WDR47: variants seen among roughly 807,000 people sequenced by gnomAD.
WDR47 encodes the protein WD repeat-containing protein 47.
WDR47 carries 32 observed loss-of-function variants against 97.2 expected under a neutral mutation model. That is an observed-to-expected ratio of 0.33 (90% CI 0.25 to 0.44). WDR47 has a LOEUF of 0.44. Ranked by LOEUF, WDR47 falls within the 20% of genes least tolerant of loss-of-function variation. The pLI is 1.00. For synonymous variants in WDR47, 375 were observed against 373.5 expected (o/e 1.00, Z -0.05); for missense variants, 782 against 1,102.3 (o/e 0.71, Z 4.11).
At chr1:108,986,737 ATCT>A in intron 9 of WDR47, 57 bp from the exon 10 acceptor site, 1 of 1,369,780 alleles carries the variant, frequency 7.3e-7, no homozygotes. Context: ...GAAAGAATTC[ATCT>A]TTCTCCCATT....
chr1:109,041,680 A>G (rs1663375565), intron 1 of WDR47, 182 bp downstream of exon 1: 1 of 150,882 alleles, frequency 6.6e-6, no homozygotes, highest in Non-Finnish European at 1.5e-5. Flanking sequence ...CTCACCCACG[A>G]CCCCAGCCCC....
At chr1:108,983,518 T>C (rs778299277) in intron 10 of WDR47, 67 bp from the exon 11 acceptor site, 17 of 1,303,592 alleles carry the variant, frequency 1.3e-5, no homozygotes, top group South Asian at 2.3e-5. Flanking sequence ...TGAGGTTCCA[T>C]ATTATACTTG....
chr1:108,978,230 C>T (rs904046380), intron 13 of WDR47, among the ~76,000 whole-genome samples: 13 of 150,306 alleles, frequency 8.6e-5, no homozygotes, highest in African/African-American at 3.2e-4. Flanking sequence ...AATCCCAGCA[C>T]TCTGGAAGGC....
intron 6 of WDR47, among the ~76,000 whole-genome samples, chr1:109,004,230 A>G (rs1427643879): frequency 6.6e-6 from 1 of 151,186 alleles, no homozygotes; most frequent in Non-Finnish European, 1.5e-5. Flanking sequence ...GCACCACTGC[A>G]CTCCAGCCTG....
At chr1:108,985,884 A>G (rs1658751318) in intron 10 of WDR47, among the ~76,000 whole-genome samples, 3 of 151,922 alleles carry the variant, frequency 2.0e-5, no homozygotes, top group African/African-American at 7.3e-5. Context: ...AATACTATCA[A>G]TTAACATGGA....
At chr1:108,971,942 T>C (rs1449461640) in intron 14 of WDR47, among the ~76,000 whole-genome samples, 1 of 152,134 alleles carries the variant, frequency 6.6e-6, no homozygotes, top group Non-Finnish European at 1.5e-5. Context: ...TGTACCTAAC[T>C]TCCTAAAAAA....
intron 10 of WDR47, 109 bp downstream of exon 10, chr1:108,986,414 A>C: frequency 1.0e-6 from 1 of 992,382 alleles, no homozygotes; most frequent in Non-Finnish European, 1.4e-6. Context: ...TAATCGAAGG[A>C]AAGAAAGTAA....
chr1:109,026,973 T>A (rs547553738), intron 1 of WDR47, among the ~76,000 whole-genome samples: 14 of 151,540 alleles, frequency 9.2e-5, no homozygotes, highest in Admixed American at 5.9e-4. Context: ...GTTTTCTTTT[T>A]AAAAAAAAAC....
At chr1:108,976,972 G>C (rs148628014) in intron 13 of WDR47, among the ~76,000 whole-genome samples, 1 of 152,280 alleles carries the variant, frequency 6.6e-6, no homozygotes, top group African/African-American at 2.4e-5. Context: ...CTGAAGGTGT[G>C]AGGTGACCAG....
intron 2 of WDR47, 103 bp from the exon 3 acceptor site, chr1:109,017,704 C>A (rs1444613143): frequency 1.6e-5 from 14 of 854,512 alleles, no homozygotes; most frequent in Non-Finnish European, 2.4e-5. Context: ...ATAAAGCACA[C>A]AATGAGATTA....
At chr1:108,990,648 T>C (rs1659255420) in intron 9 of WDR47, among the ~76,000 whole-genome samples, 1 of 152,098 alleles carries the variant, frequency 6.6e-6, no homozygotes, top group South Asian at 2.1e-4. Flanking sequence ...CCTAAAAGCA[T>C]CTCAAATTAA....
chr1:109,021,972 C>A (rs541042681), intron 2 of WDR47, among the ~76,000 whole-genome samples: 2 of 151,156 alleles, frequency 1.3e-5, no homozygotes, highest in African/African-American at 4.9e-5. Flanking sequence ...CTTAGCCTCT[C>A]GAGTAGCTGG....
At chr1:109,014,412 A>G (rs1286368963) in intron 3 of WDR47, among the ~76,000 whole-genome samples, 11 of 151,950 alleles carry the variant, frequency 7.2e-5, no homozygotes, top group Admixed American at 6.6e-4. Flanking sequence ...CAAAATAACT[A>G]GAGACTTAAA....
Position 109,036,836 on chromosome 1 carries a change from AAAATAAAT to A in WDR47, c.-10+5018_-10+5025del, listed in dbSNP as rs528938167. 3.9e-5 allele frequency among the ~76,000 whole-genome samples: 6 copies of A among 152,172 alleles called. No homozygotes were observed. The East Asian group carries it at 9.7e-4, about 24-fold the overall frequency. On this transcript the variant is annotated intron_variant, in intron 1 of 14. Transcript: ENST00000369962. ...GGGCGACAGAGTGAGACTCCATCTC[AAAATAAAT>A]AAATAAATAAATAATAAAGCACAAC... is the stretch of plus-strand genomic sequence containing the variant.
chr1:109,020,730 A>T (rs1455679945), intron 2 of WDR47, among the ~76,000 whole-genome samples: 2 of 152,174 alleles, frequency 1.3e-5, no homozygotes, highest in Admixed American at 1.3e-4. Context: ...ATACTACACT[A>T]TTAACTAAGC....
At chr1:108,972,677 C>A (rs1473987623) in intron 14 of WDR47, among the ~76,000 whole-genome samples, 2 of 152,176 alleles carry the variant, frequency 1.3e-5, no homozygotes, top group Non-Finnish European at 2.9e-5. Flanking sequence ...CGCGGTGGCT[C>A]ACGCCTGTAA....
chr1:109,038,278 T>C (rs1663098937), intron 1 of WDR47, among the ~76,000 whole-genome samples: 1 of 152,210 alleles, frequency 6.6e-6, no homozygotes, highest in Non-Finnish European at 1.5e-5. Flanking sequence ...AAGGACAATG[T>C]GTCAAAAGGA....
intron 8 of WDR47, among the ~76,000 whole-genome samples, chr1:108,995,320 G>C (rs1036414374): frequency 2.0e-5 from 3 of 152,164 alleles, no homozygotes; most frequent in African/African-American, 4.8e-5. Flanking sequence ...TAGGTTCTTT[G>C]AGTAGGATGG....
intron 8 of WDR47, chr1:108,992,488 G>A: frequency 2.6e-6 from 4 of 1,526,336 alleles, no homozygotes; most frequent in Non-Finnish European, 2.7e-6. Context: ...GAGTTGGCAG[G>A]TGTGCGCAGG....
Sources: allele counts gnomAD v4.1 joint callset (sites outside exome capture counted in the v4.1 genomes callset), GRCh38; gene constraint gnomAD v4.1.1; transcripts MANE v1.5; gene names NCBI Gene and HGNC (gene_info 2026-07-23, HGNC 2026-07-21).